The following KALRN variants were observed in gnomAD, a reference collection of about 807,000 sequenced individuals.
KALRN encodes kalirin RhoGEF kinase.
In KALRN, 70 loss-of-function variants were observed where a neutral mutation model predicts 353.7. The observed-to-expected ratio is 0.20, with a 90% confidence interval of 0.16 to 0.24. KALRN has a LOEUF of 0.24. Ranked by LOEUF, KALRN falls within the 10% of genes least tolerant of loss-of-function variation. The pLI, the probability that KALRN is intolerant of heterozygous loss-of-function variation, is 1.00. For synonymous variants in KALRN, 1,391 were observed against 1,434.8 expected (o/e 0.97, Z 0.69); for missense variants, 2,791 against 3,756.7 (o/e 0.74, Z 6.72).
intron 1 of KALRN, among the ~76,000 whole-genome samples, chr3:124,057,431 A>T (rs1365019347): frequency 1.3e-5 from 2 of 152,170 alleles, no homozygotes; most frequent in Admixed American, 1.3e-4. Flanking sequence ...GGAAGTAGAT[A>T]AAGGCCAAGA....
intron 25 of KALRN, among the ~76,000 whole-genome samples, chr3:124,472,402 G>A (rs1390312421): frequency 6.6e-6 from 1 of 152,062 alleles, no homozygotes; most frequent in African/African-American, 2.4e-5. Context: ...AAGGGAGAAG[G>A]GCCCAGGCTG....
chr3:124,439,198 T>TTACA (rs1553969698), intron 18 of KALRN, among the ~76,000 whole-genome samples, 161 bp downstream of exon 18: 2 of 125,454 alleles, frequency 1.6e-5, no homozygotes, highest in African/African-American at 6.6e-5. Flanking sequence ...TCTCTCTCTC[T>TTACA]CTCACACACA....
intron 3 of KALRN, among the ~76,000 whole-genome samples, chr3:124,256,774 G>A (rs1580134771): frequency 6.6e-6 from 1 of 152,278 alleles, no homozygotes; most frequent in East Asian, 1.9e-4. Context: ...GAGACACCCA[G>A]GCCTTGCCCA....
At chr3:124,562,359 G>A (rs1467425564) in intron 33 of KALRN, among the ~76,000 whole-genome samples, 1 of 152,112 alleles carries the variant, frequency 6.6e-6, no homozygotes, top group African/African-American at 2.4e-5. Context: ...AGAATCTAAT[G>A]GGAGGGGTGA....
At chr3:124,659,284 C>A in intron 42 of KALRN, 81 bp from the exon 43 acceptor site, 1 of 909,634 alleles carries the variant, frequency 1.1e-6, no homozygotes, top group Non-Finnish European at 1.8e-6. Flanking sequence ...GCAGACCTGT[C>A]TTCCATGCCT....
At chr3:124,073,472 T>C (rs2060117365) in intron 1 of KALRN, among the ~76,000 whole-genome samples, 1 of 152,150 alleles carries the variant, frequency 6.6e-6, no homozygotes, top group Non-Finnish European at 1.5e-5. Flanking sequence ...AAAGATACTA[T>C]AGGGACAACT....
intron 6 of KALRN, among the ~76,000 whole-genome samples, chr3:124,313,425 GTGTT>G (rs1215160579): frequency 6.6e-6 from 1 of 152,204 alleles, no homozygotes; most frequent in Non-Finnish European, 1.5e-5. Context: ...ACAGGATACA[GTGTT>G]TGTATCTCCA....
At chr3:124,288,724 C>G (rs991812226) in intron 5 of KALRN, among the ~76,000 whole-genome samples, 1 of 151,884 alleles carries the variant, frequency 6.6e-6, no homozygotes, top group Non-Finnish European at 1.5e-5. Flanking sequence ...AGTAAGGGGG[C>G]CAAATAGGCA....
At chr3:124,705,303 A>T (rs879216760) in intron 57 of KALRN, among the ~76,000 whole-genome samples, 1 of 152,134 alleles carries the variant, frequency 6.6e-6, no homozygotes, top group African/African-American at 2.4e-5. Flanking sequence ...TATTTTTTTA[A>T]GTAGGCATAT....
intron 3 of KALRN, among the ~76,000 whole-genome samples, chr3:124,238,839 C>T (rs1281546702): frequency 3.9e-5 from 6 of 152,212 alleles, no homozygotes; most frequent in Non-Finnish European, 8.8e-5. Context: ...GTCATTTTAA[C>T]TTCTCTGTCT....
rs34594307 is a variant in KALRN, at chr3:124,375,989, TA to T, written c.1771-8848del. ...ACTGTAGGAAAATAAAACTTTACTT[TA>T]AAAAAAATGTGGAGTTCTAAAAATA... is the stretch of plus-strand genomic sequence containing the variant. On this transcript the variant is annotated intron_variant, in intron 10 of 59. Coordinates refer to ENST00000682506, the MANE Select transcript of KALRN (RefSeq NM_001388419.1). Among the ~76,000 whole-genome samples the T allele has an allele frequency of 2.4e-3, 371 of 152,046 alleles. 2 individuals carry two copies. The highest frequency in any genetic ancestry group is 8.7e-3 in the African/African-American group (361 of 41,490).
chr3:124,514,233 G>C (rs1193611520), intron 33 of KALRN, among the ~76,000 whole-genome samples: 2 of 152,150 alleles, frequency 1.3e-5, no homozygotes, highest in African/African-American at 4.8e-5. Flanking sequence ...AGTATTCACA[G>C]AGTTCCTCTG....
At chr3:124,602,236 A>T (rs1314613825) in intron 34 of KALRN, among the ~76,000 whole-genome samples, 1 of 152,176 alleles carries the variant, frequency 6.6e-6, no homozygotes, top group African/African-American at 2.4e-5. Flanking sequence ...AGGAAGGAAG[A>T]AGTCAGAAGT....
At chr3:124,560,126 C>G (rs1358276293) in intron 33 of KALRN, among the ~76,000 whole-genome samples, 1 of 152,244 alleles carries the variant, frequency 6.6e-6, no homozygotes, top group African/African-American at 2.4e-5. Flanking sequence ...GCCCATGGGT[C>G]TGATTGTAAC....
chr3:124,433,298 AAAG>A (rs2093347733), intron 16 of KALRN, among the ~76,000 whole-genome samples: 1 of 152,022 alleles, frequency 6.6e-6, no homozygotes, highest in South Asian at 2.1e-4. Context: ...ATTAAAAAAA[AAAG>A]AACTTCTGGT....
At chr3:124,629,674 C>G (rs1240669954) in intron 34 of KALRN, among the ~76,000 whole-genome samples, 1 of 152,222 alleles carries the variant, frequency 6.6e-6, no homozygotes, top group Non-Finnish European at 1.5e-5. Flanking sequence ...CTACACTGAT[C>G]TCACCCTCCT....
At chr3:124,102,418 T>C (rs934592306) in intron 1 of KALRN, among the ~76,000 whole-genome samples, 1 of 152,180 alleles carries the variant, frequency 6.6e-6, no homozygotes, top group Non-Finnish European at 1.5e-5. Flanking sequence ...TTAGCCCTGA[T>C]GTCCTCCAGA....
intron 1 of KALRN, among the ~76,000 whole-genome samples, chr3:124,063,974 A>T (rs2042159716): frequency 6.6e-6 from 1 of 152,238 alleles, no homozygotes; most frequent in Non-Finnish European, 1.5e-5. Context: ...AAACAAATAC[A>T]CACTTTAGTG....
intron 1 of KALRN, among the ~76,000 whole-genome samples, chr3:124,127,672 C>T (rs562805283): frequency 2.0e-5 from 3 of 152,296 alleles, no homozygotes; most frequent in Non-Finnish European, 4.4e-5. Context: ...ACAAAGTGCT[C>T]ATGATTCCAT....
Sources: allele counts gnomAD v4.1 joint callset (sites outside exome capture counted in the v4.1 genomes callset), GRCh38; gene constraint gnomAD v4.1.1; transcripts MANE v1.5; gene names NCBI Gene and HGNC (gene_info 2026-07-23, HGNC 2026-07-21).